The following STXBP4 variants were observed in gnomAD, a reference collection of about 807,000 sequenced individuals.
STXBP4 encodes syntaxin binding protein 4.
STXBP4 carries 55 observed loss-of-function variants against 76.1 expected under a neutral mutation model. That is an observed-to-expected ratio of 0.72 (90% CI 0.58 to 0.91). The LOEUF (loss-of-function observed/expected upper bound fraction) is 0.91. STXBP4 is among the 40% of genes least tolerant of loss of function. The pLI is 0.00. For missense variants in STXBP4, 618 were observed against 636.9 expected (o/e 0.97, Z 0.32); for synonymous variants, 201 against 220.2 (o/e 0.91, Z 0.77).
intron 16 of STXBP4, among the ~76,000 whole-genome samples, chr17:55,089,868 C>G (rs1165821242): frequency 6.6e-6 from 1 of 152,106 alleles, no homozygotes; most frequent in Non-Finnish European, 1.5e-5. Flanking sequence ...AGGCCTTTAA[C>G]TACCTTCCTT....
Position 55,171,799 on chromosome 17 carries a change from G to A in STXBP4, c.*11888G>A, listed in dbSNP as rs1045557798. On this transcript the variant is annotated 3_prime_UTR_variant, in exon 18 of 18. Transcript: ENST00000376352. ...CTCCCCCGCCCCTGGGGCCTTCAGAGGGAGCGGTGCCCAGCTGACACCTTG... is the reference window on the plus strand; with the variant it reads ...CTCCCCCGCCCCTGGGGCCTTCAGAAGGAGCGGTGCCCAGCTGACACCTTG... 2.0e-5 allele frequency: 3 copies of A among 152,302 alleles called. No individual in the cohort carries two copies. The highest frequency in any genetic ancestry group is 2.0e-4 in the Admixed American group (3 of 15,282). The allele number at this position is 152,302 out of a possible 1,614,324, so 9.4% of individuals were successfully genotyped here.
intron 10 of STXBP4, among the ~76,000 whole-genome samples, chr17:55,036,335 A>G (rs1292354310): frequency 6.6e-6 from 1 of 151,636 alleles, no homozygotes; most frequent in Non-Finnish European, 1.5e-5. Context: ...CTTCTCATGT[A>G]TTTATATCTT....
chr17:55,077,460 C>T (rs530486919), intron 13 of STXBP4, among the ~76,000 whole-genome samples: 1 of 152,268 alleles, frequency 6.6e-6, no homozygotes, highest in Admixed American at 6.5e-5. Context: ...AACATCAAAA[C>T]ACTGTTTACC....
intron 3 of STXBP4, among the ~76,000 whole-genome samples, chr17:54,989,192 C>T (rs1417374557): frequency 6.6e-6 from 1 of 152,220 alleles, no homozygotes. Flanking sequence ...ACAGCAAGCT[C>T]TGCCTCCCGG....
At chr17:55,175,146 C>T (rs752800261), downstream of STXBP4, among the ~76,000 whole-genome samples, 8 of 152,088 alleles carry the variant, frequency 5.3e-5, no homozygotes, top group Non-Finnish European at 1.0e-4. Context: ...AGTCAAATGA[C>T]AGGAAGTCAA....
At chr17:55,125,422 A>C in intron 16 of STXBP4, among the ~76,000 whole-genome samples, 1 of 143,976 alleles carries the variant, frequency 6.9e-6, no homozygotes, top group East Asian at 2.0e-4. Context: ...AAGGCTAAGT[A>C]AGTTCCTGAC....
intron 8 of STXBP4, among the ~76,000 whole-genome samples, chr17:55,009,237 G>A (rs2144553588): frequency 6.6e-6 from 1 of 152,256 alleles, no homozygotes; most frequent in South Asian, 2.1e-4. Context: ...TAAAATGTAA[G>A]TTCTGGCTAA....
intron 13 of STXBP4, among the ~76,000 whole-genome samples, chr17:55,073,415 A>G (rs995855070): frequency 1.3e-5 from 2 of 152,164 alleles, no homozygotes; most frequent in Admixed American, 6.5e-5. Flanking sequence ...TTTTATGGGA[A>G]TGGGAGCAGG....
At chr17:55,114,893 G>T (rs1598325807) in intron 16 of STXBP4, among the ~76,000 whole-genome samples, 1 of 151,750 alleles carries the variant, frequency 6.6e-6, no homozygotes, top group Non-Finnish European at 1.5e-5. Flanking sequence ...AGATGTTTTG[G>T]TACTCTTGCA....
At chr17:55,022,284 CATAT>C (rs1477557683) in intron 8 of STXBP4, among the ~76,000 whole-genome samples, 1 of 151,102 alleles carries the variant, frequency 6.6e-6, no homozygotes, top group Admixed American at 6.6e-5. Context: ...AGTATCAAGG[CATAT>C]ATACTTTCTG....
At chr17:55,097,768 G>C (rs747021992) in intron 16 of STXBP4, among the ~76,000 whole-genome samples, 7 of 152,116 alleles carry the variant, frequency 4.6e-5, no homozygotes, top group Admixed American at 6.6e-5. Context: ...TTTACTTGTA[G>C]AGAAGCAGAG....
chr17:54,969,684 A>G (rs1228193904), intron 1 of STXBP4, among the ~76,000 whole-genome samples: 6 of 152,244 alleles, frequency 3.9e-5, no homozygotes, highest in African/African-American at 1.4e-4. Flanking sequence ...AGCAGGTATA[A>G]TTATCCCCAC....
chr17:54,999,314 G>T, intron 4 of STXBP4, 31 bp from the exon 5 acceptor site: 2 of 1,538,142 alleles, frequency 1.3e-6, no homozygotes, highest in Non-Finnish European at 1.8e-6. Context: ...TACCTCATTA[G>T]TTCCTTTATA....
At chr17:55,043,416 A>G in intron 11 of STXBP4, 91 bp downstream of exon 11, 1 of 822,124 alleles carries the variant, frequency 1.2e-6, no homozygotes, top group Non-Finnish European at 1.8e-6. Context: ...TTGGGGCTTA[A>G]TTTTATTTTT....
At chr17:55,029,915 G>A (rs1289781209) in intron 8 of STXBP4, among the ~76,000 whole-genome samples, 1 of 152,078 alleles carries the variant, frequency 6.6e-6, no homozygotes, top group Non-Finnish European at 1.5e-5. Flanking sequence ...TTTGATGAAT[G>A]AATTACTAAA....
At chr17:54,992,596 A>G (rs2077735461) in intron 4 of STXBP4, among the ~76,000 whole-genome samples, 1 of 150,980 alleles carries the variant, frequency 6.6e-6, no homozygotes, top group Admixed American at 6.6e-5. Context: ...GGTGTGTGTG[A>G]GTGTGTGTCT....
In STXBP4 at chr17:54,973,364, C is replaced by A. The variant is rs373683920; in HGVS notation, c.-157+4549C>A. Among the ~76,000 whole-genome samples, 220 of 152,270 alleles carry A rather than the reference C, an allele frequency of 1.4e-3. 7 individuals are homozygous for A. In the South Asian group the frequency reaches 0.044, roughly 31 times the overall value. On this transcript the variant is annotated intron_variant, in intron 1 of 17. Transcript: ENST00000376352. Reference sequence around the variant, plus strand: ...TTCTTTTCTATATTAGGAAATATTTCTTTACTTTTGTCTCAGGTAAAAATC... The same window carrying A: ...TTCTTTTCTATATTAGGAAATATTTATTTACTTTTGTCTCAGGTAAAAATC...
intron 10 of STXBP4, among the ~76,000 whole-genome samples, chr17:55,038,840 T>A (rs879441995): frequency 6.6e-6 from 1 of 152,078 alleles, no homozygotes; most frequent in Non-Finnish European, 1.5e-5. Context: ...GTTTGGGCTC[T>A]TGTTAAGTCA....
intron 16 of STXBP4, among the ~76,000 whole-genome samples, chr17:55,084,561 C>G (rs1472225547): frequency 6.6e-6 from 1 of 151,152 alleles, no homozygotes; most frequent in Non-Finnish European, 1.5e-5. Flanking sequence ...TTGCCCATGC[C>G]TATGTCCTGA....
Sources: allele counts gnomAD v4.1 joint callset (sites outside exome capture counted in the v4.1 genomes callset), GRCh38; gene constraint gnomAD v4.1.1; transcripts MANE v1.5; gene names NCBI Gene and HGNC (gene_info 2026-07-23, HGNC 2026-07-21).